RASA1: variants seen among roughly 807,000 people sequenced by gnomAD.
RASA1 encodes RAS p21 protein activator 1.
RASA1 carries 25 observed loss-of-function variants against 132.2 expected under a neutral mutation model. The observed-to-expected ratio is 0.19, with a 90% CI of 0.14 to 0.26. The LOEUF (loss-of-function observed/expected upper bound fraction) is 0.26, where lower values mean the gene tolerates loss of function less well. Ranked by LOEUF, RASA1 falls within the 10% of genes least tolerant of loss-of-function variation. RASA1 has a pLI of 1.00. For synonymous variants in RASA1, 477 were observed against 449.9 expected, an observed-to-expected ratio of 1.06 and a Z score of -0.76; for missense variants, 964 against 1,299.2, an observed-to-expected ratio of 0.74 and a Z score of 3.97.
chr5:87,302,488 A>G lies in RASA1; in HGVS notation c.540-28860A>G, dbSNP rs1266252344. Among the ~76,000 whole-genome samples, 10 of 148,368 alleles carry G rather than the reference A, an allele frequency of 6.7e-5. No individual in the cohort carries two copies. The East Asian group carries it at 1.8e-3, about 26-fold the overall frequency. Reference sequence around the variant, plus strand: ...AGTATATATCTTATAGAAATCTTCAATTTCGCACTGTTGTTTTTTTAACAG... The same window carrying G: ...AGTATATATCTTATAGAAATCTTCAGTTTCGCACTGTTGTTTTTTTAACAG... On this transcript the variant is annotated intron_variant, in intron 1 of 24. Transcript: ENST00000274376.
intron 1 of RASA1, among the ~76,000 whole-genome samples, chr5:87,313,933 T>G (rs1232460200): frequency 6.6e-6 from 1 of 152,112 alleles, no homozygotes; most frequent in Non-Finnish European, 1.5e-5. Context: ...TTTGGGAGGC[T>G]GAGGTGGGCG....
At chr5:87,376,214 G>C (rs1377255295) in intron 15 of RASA1, 179 bp from the exon 16 acceptor site, 2 of 695,624 alleles carry the variant, frequency 2.9e-6, no homozygotes, top group African/African-American at 1.8e-5. Context: ...TCAGAGTTTA[G>C]TGCACCGTAG....
At chr5:87,270,099 G>A (rs897325488) in intron 1 of RASA1, among the ~76,000 whole-genome samples, 1 of 151,634 alleles carries the variant, frequency 6.6e-6, no homozygotes, top group African/African-American at 2.4e-5. Flanking sequence ...AAAATAAGCC[G>A]GACGCGGTGG....
intron 9 of RASA1, among the ~76,000 whole-genome samples, chr5:87,356,345 G>A (rs7715506): frequency 0.015 from 2,204 of 151,596 alleles, 31 homozygotes; most frequent in African/African-American, 0.041. Flanking sequence ...CTTCACCAGC[G>A]TAAAGATTAT....
chr5:87,379,964 A>T, intron 19 of RASA1, 114 bp downstream of exon 19: 5 of 1,097,434 alleles, frequency 4.6e-6, no homozygotes, highest in Non-Finnish European at 6.6e-6. Flanking sequence ...ACTCTGAAAA[A>T]GTCATGGTTA....
intron 1 of RASA1, among the ~76,000 whole-genome samples, chr5:87,328,636 T>A (rs1757402739): frequency 6.6e-6 from 1 of 152,130 alleles, no homozygotes; most frequent in Admixed American, 6.6e-5. Context: ...CTTCAGAAAG[T>A]TAAGGTAGAC....
Position 87,369,877 on chromosome 5 carries a change from G to A in RASA1, c.1675G>A (p.Gly559Arg). Residue 559 changes from glycine (G) to arginine (R), a missense_variant, in exon 12 of 25, where the codon GGA becomes AGA. Physicochemically the swap from Gly to Arg is moderately radical, Grantham distance 125. Around this residue, in one of 6 missense-constraint regions of RASA1, gnomAD observed 346 missense variants for 520.1 expected, o/e 0.67. Coordinates refer to ENST00000274376, the MANE Select transcript of RASA1 (RefSeq NM_002890.3). ...SEEHYIFYFA[G>R]ETPEQAEDWM... ...AGAACATTACATCTTTTACTTTGCAGGAGAAACTCCAGAACAAGCAGAGGT... is the reference window on the plus strand; with the variant it reads ...AGAACATTACATCTTTTACTTTGCAAGAGAAACTCCAGAACAAGCAGAGGT... 6.2e-7 allele frequency: 1 copy of A among 1,610,828 alleles called. No individual in the cohort carries two copies. The highest frequency in any genetic ancestry group is 8.5e-7 in the Non-Finnish European group (1 of 1,177,632).
At chr5:87,359,669 T>C (rs1173613393) in intron 9 of RASA1, among the ~76,000 whole-genome samples, 1 of 152,190 alleles carries the variant, frequency 6.6e-6, no homozygotes, top group African/African-American at 2.4e-5. Context: ...CAAATCTGTA[T>C]TACCAGGAAA....
chr5:87,319,816 C>G (rs75813061), intron 1 of RASA1, among the ~76,000 whole-genome samples: 2 of 152,174 alleles, frequency 1.3e-5, no homozygotes, highest in African/African-American at 2.4e-5. Flanking sequence ...TTGAATTTCT[C>G]CCCCCAAAAT....
intron 12 of RASA1, among the ~76,000 whole-genome samples, chr5:87,370,234 A>G (rs1391415680): frequency 6.6e-6 from 1 of 152,164 alleles, no homozygotes; most frequent in Non-Finnish European, 1.5e-5. Context: ...TAAGCCAGTT[A>G]ACCAGTTAGT....
intron 21 of RASA1, 80 bp from the exon 22 acceptor site, chr5:87,385,221 T>C (rs552588603): frequency 3.3e-6 from 3 of 920,832 alleles, no homozygotes; most frequent in Admixed American, 1.8e-5. Context: ...TAAAGAAATA[T>C]TAAAGTGCTA....
intron 1 of RASA1, among the ~76,000 whole-genome samples, chr5:87,287,513 A>G (rs543095785): frequency 5.5e-5 from 8 of 145,562 alleles, no homozygotes; most frequent in Non-Finnish European, 1.1e-4. Flanking sequence ...ATATATACCC[A>G]CCATATATAT....
intron 4 of RASA1, among the ~76,000 whole-genome samples, chr5:87,333,973 G>C (rs565626801): frequency 1.3e-5 from 2 of 152,218 alleles, no homozygotes; most frequent in South Asian, 4.2e-4. Context: ...ATGAATTTAG[G>C]TAATTTTAAA....
At chr5:87,275,790 C>T (rs1015726949) in intron 1 of RASA1, among the ~76,000 whole-genome samples, 1 of 152,152 alleles carries the variant, frequency 6.6e-6, no homozygotes, top group African/African-American at 2.4e-5. Flanking sequence ...AGGCTGGTCT[C>T]GAACTCCTGA....
intron 1 of RASA1, among the ~76,000 whole-genome samples, chr5:87,313,944 G>T (rs1258768172): frequency 6.6e-6 from 1 of 152,158 alleles, no homozygotes; most frequent in African/African-American, 2.4e-5. Flanking sequence ...GAGGTGGGCG[G>T]ATCACCTGAG....
chr5:87,379,721 A>C lies in RASA1; in HGVS notation c.2488-14A>C. 4.3e-6 allele frequency: 7 copies of C among 1,610,938 alleles called. No individual in the cohort carries two copies. The highest frequency in any genetic ancestry group is 5.9e-6 in the Non-Finnish European group (7 of 1,178,342). On this transcript the variant is annotated splice_polypyrimidine_tract_variant and intron_variant, in intron 18 of 24. Coordinates refer to ENST00000274376, the MANE Select transcript of RASA1 (RefSeq NM_002890.3). ...TGCCAACATGCATTTATATTGATTTATTCCTTCTTTTAGTTAAGTCCATCA... is the reference window on the plus strand; with the variant it reads ...TGCCAACATGCATTTATATTGATTTCTTCCTTCTTTTAGTTAAGTCCATCA...
At chr5:87,332,122 AT>A (rs1358736784) in intron 2 of RASA1, among the ~76,000 whole-genome samples, 2 of 152,130 alleles carry the variant, frequency 1.3e-5, no homozygotes, top group Non-Finnish European at 2.9e-5. Flanking sequence ...ATGTGAAATT[AT>A]TACTGTACTT....
At chr5:87,380,734 A>C (rs925610086) in intron 20 of RASA1, 139 bp downstream of exon 20, 6 of 812,138 alleles carry the variant, frequency 7.4e-6, no homozygotes, top group African/African-American at 5.1e-5. Flanking sequence ...TTCTAAGTCC[A>C]GATGGCTCCT....
Position 87,332,629 on chromosome 5 carries a change from T to G in RASA1, c.815T>G (p.Val272Gly). 1 of 1,610,570 alleles carries G rather than the reference T, an allele frequency of 6.2e-7. No individual in the cohort carries two copies. ...AAAGGAGAAAAATTACTTTACCCAG[T>G]TGCACCACCAGAGGCAAGTAAAATG... ...LLKGEKLLYP[V>G]APPEPVEDRR... Residue 272 changes from valine to glycine, a missense_variant, in exon 3 of 25, where the codon GTT becomes GGT. Coordinates refer to ENST00000274376, the MANE Select transcript of RASA1 (RefSeq NM_002890.3).
Sources: allele counts gnomAD v4.1 joint callset (sites outside exome capture counted in the v4.1 genomes callset), GRCh38; gene constraint gnomAD v4.1.1; regional missense constraint gnomAD v4.1.1; transcripts MANE v1.5; gene names NCBI Gene and HGNC (gene_info 2026-07-23, HGNC 2026-07-21).